The following PPFIA1 variants were observed in gnomAD, a reference collection of about 807,000 sequenced individuals.
PPFIA1 encodes liprin-alpha-1.
A neutral mutation model predicts 149.9 loss-of-function variants in PPFIA1; 25 were observed. That is an observed-to-expected ratio of 0.17 (90% CI 0.12 to 0.23). PPFIA1 has a LOEUF of 0.23. Among genes scored for constraint, PPFIA1 ranks in the 10% least tolerant of loss-of-function variants. PPFIA1 has a pLI of 1.00. For missense variants in PPFIA1, 1,362 were observed against 1,506.5 expected (o/e 0.90, Z 1.59); for synonymous variants, 549 against 552.8 (o/e 0.99, Z 0.10).
intron 2 of PPFIA1, among the ~76,000 whole-genome samples, chr11:70,294,655 C>T (rs2136244740): frequency 6.6e-6 from 1 of 151,030 alleles, no homozygotes; most frequent in South Asian, 2.1e-4. Context: ...AGCAGATAAA[C>T]AAGTGAACAA....
intron 2 of PPFIA1, among the ~76,000 whole-genome samples, chr11:70,296,325 G>A (rs1409062421): frequency 2.0e-5 from 3 of 152,052 alleles, no homozygotes. Flanking sequence ...GGAGGCCAAG[G>A]CAGGCAGCTG....
rs2057785508 is a variant in PPFIA1, at chr11:70,383,624, A to C, written c.*634A>C. 2 of 154,998 alleles carry C rather than the reference A, an allele frequency of 1.3e-5. No homozygotes were observed. The highest frequency in any genetic ancestry group is 3.8e-4 in the East Asian group (2 of 5,284). The allele number at this position is 154,998 out of a possible 1,614,324, so 9.6% of individuals were successfully genotyped here. A position where few individuals can be genotyped will look rare whatever the true frequency, so the allele number is the denominator to read the frequency against. Reference sequence around the variant, plus strand: ...AGATTTAAAATGGCTGGTGTTAAATATCAGCTCCTAATAAGATGTGGACTG... The same window carrying C: ...AGATTTAAAATGGCTGGTGTTAAATCTCAGCTCCTAATAAGATGTGGACTG... On this transcript the variant is annotated 3_prime_UTR_variant, in exon 28 of 28. Transcript: ENST00000253925.
At chr11:70,378,776 G>A (rs1227365714) in intron 26 of PPFIA1, among the ~76,000 whole-genome samples, 1 of 152,212 alleles carries the variant, frequency 6.6e-6, no homozygotes, top group South Asian at 2.1e-4. Context: ...GACTATACCA[G>A]CCAGAGAGAG....
chr11:70,323,330 C>T (rs2054067900), intron 2 of PPFIA1, among the ~76,000 whole-genome samples: 1 of 152,228 alleles, frequency 6.6e-6, no homozygotes, highest in African/African-American at 2.4e-5. Flanking sequence ...CACTCCAGCC[C>T]TGCAGCTACC....
At position 70,343,679 on chromosome 11, in the gene PPFIA1, T is replaced by C. The variant is rs749728222; in HGVS notation, c.1718T>C (p.Leu573Pro). The C allele has an allele frequency of 8.1e-6, 13 of 1,614,216 alleles. No individual in the cohort carries two copies. Among genetic ancestry groups the C allele is most frequent in the Non-Finnish European group, 1.1e-5 (13 of 1,180,004 alleles). The change falls in exon 15 of 28, where the codon CTT becomes CCT. Residue 573 changes from leucine to proline, a missense_variant. Transcript: ENST00000253925. ...LRDEPSKVQT[L>P]NEQDWERAQQ... ...TTTTCTTGTTTATAGGTACAAACTCTTAATGAGCAGGATTGGGAACGTGCC... is the reference window on the plus strand; with the variant it reads ...TTTTCTTGTTTATAGGTACAAACTCCTAATGAGCAGGATTGGGAACGTGCC...
Position 70,337,964 on chromosome 11 carries a change from G to A in PPFIA1, c.1492-410G>A, listed in dbSNP as rs190217496. ...TTGGACAGCACAGCTCTAGAAATGAGATCAAGTATACCCATGACACAGGGA... is the reference window on the plus strand; with the variant it reads ...TTGGACAGCACAGCTCTAGAAATGAAATCAAGTATACCCATGACACAGGGA... On this transcript the variant is annotated intron_variant, in intron 12 of 27. Transcript: ENST00000253925. Among the ~76,000 whole-genome samples, 10 of 152,260 alleles carry A rather than the reference G, an allele frequency of 6.6e-5. No individual in the cohort carries two copies. The East Asian group carries it at 1.9e-3, about 29-fold the overall frequency.
intron 23 of PPFIA1, chr11:70,374,468 A>G (rs2057402130): frequency 6.5e-6 from 1 of 153,804 alleles, no homozygotes; most frequent in Non-Finnish European, 1.4e-5. Flanking sequence ...AGACTTCGAG[A>G]TTAGAAATGA....
chr11:70,330,173 G>A lies in PPFIA1; in HGVS notation c.931G>A (p.Ala311Thr), dbSNP rs2054567347. 2 of 1,588,790 alleles carry A rather than the reference G, an allele frequency of 1.3e-6. No homozygotes were observed. The highest frequency in any genetic ancestry group is 2.3e-5 in the East Asian group (1 of 44,222). ...GTCCCCTCTGAAATACCTAATTTAG[G>A]CCATGGCCCAAAAGGAAGATATGGA... ...NTKLQRDVRE[A>T]MAQKEDMEER... Residue 311 changes from alanine (A) to threonine (T), a missense_variant and splice_region_variant, in exon 8 of 28, where the codon GCC becomes ACC. Physicochemically the swap from Ala to Thr is moderately conservative, Grantham distance 58. Transcript: ENST00000253925.
chr11:70,332,716 G>A (rs1011729561), intron 9 of PPFIA1, among the ~76,000 whole-genome samples: 4 of 152,172 alleles, frequency 2.6e-5, no homozygotes, highest in Non-Finnish European at 4.4e-5. Flanking sequence ...CCCAGGGAGC[G>A]CATCACCGGG....
At chr11:70,293,296 C>G (rs1236698843) in intron 2 of PPFIA1, among the ~76,000 whole-genome samples, 1 of 152,172 alleles carries the variant, frequency 6.6e-6, no homozygotes, top group Non-Finnish European at 1.5e-5. Flanking sequence ...GAAACTTTTT[C>G]ACAGTGCAGA....
In PPFIA1 at chr11:70,324,870, C is replaced by G. The variant is rs752881054; in HGVS notation, c.390C>G (p.Cys130Trp). ...NTRLLLEHLE[C>W]LVSRHERSLR... is the part of the protein sequence containing the mutation. ...AGCTGCTGTTAGAGCATTTGGAATG[C>G]CTTGTCTCCAGGCATGAGCGGTCTC... Residue 130 changes from cysteine to tryptophan, a missense_variant, in exon 4 of 28, where the codon TGC becomes TGG. This residue lies in a region of PPFIA1 where 79 missense variants were observed against 146.2 expected (regional missense o/e 0.54). Coordinates refer to ENST00000253925, the MANE Select transcript of PPFIA1 (RefSeq NM_003626.5). 6.2e-7 allele frequency: 1 copy of G among 1,600,172 alleles called. No individual in the cohort carries two copies. Among genetic ancestry groups the G allele is most frequent in the South Asian group, 1.1e-5 (1 of 88,632 alleles).
intron 15 of PPFIA1, among the ~76,000 whole-genome samples, chr11:70,347,031 A>G (rs1454547879): frequency 1.3e-5 from 2 of 152,226 alleles, no homozygotes; most frequent in East Asian, 3.8e-4. Context: ...AGAGAATCCC[A>G]TCAGATAACG....
At chr11:70,315,678 G>GTTTTTTTTTT (rs71049904) in intron 2 of PPFIA1, among the ~76,000 whole-genome samples, 20 of 73,012 alleles carry the variant, frequency 2.7e-4, no homozygotes, top group Admixed American at 5.7e-4. Flanking sequence ...CTTTTTTTCT[G>GTTTTTTTTTT]TTTTTTTTTT....
intron 15 of PPFIA1, among the ~76,000 whole-genome samples, chr11:70,344,538 T>A (rs1237584983): frequency 1.3e-5 from 2 of 152,226 alleles, no homozygotes; most frequent in Non-Finnish European, 1.5e-5. Context: ...CGCGTTGCTA[T>A]CACCTGCCGC....
At chr11:70,302,114 G>A (rs560063590) in intron 2 of PPFIA1, among the ~76,000 whole-genome samples, 1 of 152,346 alleles carries the variant, frequency 6.6e-6, no homozygotes, top group East Asian at 1.9e-4. Context: ...AAAGGAGCTG[G>A]CCAGGTTGCC....
At chr11:70,281,092 A>G (rs183464427) in intron 2 of PPFIA1, among the ~76,000 whole-genome samples, 3 of 152,250 alleles carry the variant, frequency 2.0e-5, no homozygotes, top group Non-Finnish European at 2.9e-5. Flanking sequence ...TGATAACTCT[A>G]TTATATGGGT....
At chr11:70,296,101 G>A (rs961235535) in intron 2 of PPFIA1, among the ~76,000 whole-genome samples, 1 of 151,934 alleles carries the variant, frequency 6.6e-6, no homozygotes, top group East Asian at 1.9e-4. Context: ...GGGCAGAGAC[G>A]CTCCTCACTT....
At chr11:70,343,441 C>T (rs556366849) in intron 14 of PPFIA1, among the ~76,000 whole-genome samples, 1 of 152,246 alleles carries the variant, frequency 6.6e-6, no homozygotes, top group East Asian at 1.9e-4. Flanking sequence ...ATGGAAATGC[C>T]ACATGTCCAT....
chr11:70,341,438 CT>C (rs1215765769), intron 14 of PPFIA1, among the ~76,000 whole-genome samples: 4 of 152,074 alleles, frequency 2.6e-5, no homozygotes, highest in African/African-American at 4.8e-5. Flanking sequence ...AGCCTTTGGG[CT>C]TGAACAGCCG....
Sources: gnomAD v4.1 joint callset for allele counts (sites outside exome capture counted in the v4.1 genomes callset) on GRCh38, gnomAD v4.1.1 for gene constraint, gnomAD v4.1.1 regional missense constraint, MANE v1.5 for transcripts, NCBI Gene and HGNC (gene_info 2026-07-23, HGNC 2026-07-21) for gene names.